CNTN1: variants seen among roughly 807,000 people sequenced by gnomAD.
CNTN1 encodes contactin-1.
A neutral mutation model predicts 126.4 loss-of-function variants in CNTN1; 38 were observed. The observed-to-expected ratio is 0.30, with a 90% CI of 0.23 to 0.39. CNTN1 has a LOEUF of 0.39. CNTN1 is among the 10% of genes least tolerant of loss of function. The pLI, the probability that CNTN1 is intolerant of heterozygous loss-of-function variation, is 1.00. For missense variants in CNTN1, 1,009 were observed against 1,248.4 expected (o/e 0.81, Z 2.89); for synonymous variants, 413 against 422.6 (o/e 0.98, Z 0.28).
rs11342460 is a variant in CNTN1, at chr12:40,808,383, CA to C, written c.-76-99973del. ...ATTTTGGTCATATAAATATTTCCACCATGGTTGATTCCAAGCTACCAACATG... is the reference window on the plus strand; with the variant it reads ...ATTTTGGTCATATAAATATTTCCACCTGGTTGATTCCAAGCTACCAACATG... On this transcript the variant is annotated intron_variant, in intron 1 of 23. Transcript: ENST00000551295. Among the ~76,000 whole-genome samples the C allele has an allele frequency of 9.4e-3, 1,430 of 152,122 alleles. 22 individuals are homozygous for C. The highest frequency in any genetic ancestry group is 0.033 in the African/African-American group (1,354 of 41,472).
chr12:40,748,810 TG>T (rs1327463947), intron 1 of CNTN1, among the ~76,000 whole-genome samples: 2 of 152,058 alleles, frequency 1.3e-5, no homozygotes, highest in African/African-American at 4.8e-5. Flanking sequence ...CTTAAAAAAA[TG>T]GGATAAAGTC....
intron 1 of CNTN1, among the ~76,000 whole-genome samples, chr12:40,874,316 C>T (rs1209018628): frequency 6.6e-6 from 1 of 151,872 alleles, no homozygotes; most frequent in East Asian, 1.9e-4. Context: ...TTAGGAAATA[C>T]TTCAGATATA....
chr12:40,911,355 C>CA (rs1214573391), intron 3 of CNTN1, among the ~76,000 whole-genome samples: 1 of 152,184 alleles, frequency 6.6e-6, no homozygotes, highest in African/African-American at 2.4e-5. Context: ...GCTAGGATTA[C>CA]AGGCGTGAGC....
chr12:40,995,020 G>A (rs1003080637), intron 17 of CNTN1, among the ~76,000 whole-genome samples: 1 of 151,980 alleles, frequency 6.6e-6, no homozygotes, highest in Non-Finnish European at 1.5e-5. Context: ...ATGAACATGA[G>A]CATAGGACTA....
chr12:40,938,942 T>C (rs1216086691), intron 11 of CNTN1, among the ~76,000 whole-genome samples: 1 of 151,984 alleles, frequency 6.6e-6, no homozygotes, highest in Non-Finnish European at 1.5e-5. Flanking sequence ...CCCAGCTAAT[T>C]TTTTTGTATT....
At chr12:40,698,892 T>C (rs1385450859) in intron 1 of CNTN1, among the ~76,000 whole-genome samples, 2 of 152,176 alleles carry the variant, frequency 1.3e-5, no homozygotes, top group Non-Finnish European at 2.9e-5. Context: ...ACGGTTTGCC[T>C]TCTCCTAATG....
intron 16 of CNTN1, among the ~76,000 whole-genome samples, chr12:40,987,184 T>C (rs1029040212): frequency 1.3e-5 from 2 of 152,202 alleles, no homozygotes; most frequent in East Asian, 3.9e-4. Context: ...TTATTTATAA[T>C]GTGACCACTA....
chr12:40,817,878 C>T (rs1159171351), intron 1 of CNTN1, among the ~76,000 whole-genome samples: 1 of 152,128 alleles, frequency 6.6e-6, no homozygotes, highest in Non-Finnish European at 1.5e-5. Flanking sequence ...CAAAATCCCT[C>T]AGCATTTGCT....
chr12:40,933,988 G>T (rs775773001), intron 9 of CNTN1, 110 bp downstream of exon 9: 74 of 807,202 alleles, frequency 9.2e-5, no homozygotes, highest in Admixed American at 2.0e-4. Flanking sequence ...AAACAGTGAT[G>T]CATGTTACAT....
At chr12:40,698,268 C>T (rs1160101334) in intron 1 of CNTN1, among the ~76,000 whole-genome samples, 1 of 123,694 alleles carries the variant, frequency 8.1e-6, no homozygotes, top group Non-Finnish European at 1.6e-5. Context: ...CGGAGTCTCG[C>T]TCTGTCGCCC....
intron 1 of CNTN1, among the ~76,000 whole-genome samples, chr12:40,758,445 C>CA (rs1235197307): frequency 1.3e-5 from 2 of 151,876 alleles, no homozygotes; most frequent in African/African-American, 2.4e-5. Flanking sequence ...ATTACTGAGA[C>CA]AATAATTGCA....
At chr12:40,707,330 G>C (rs539324018) in intron 1 of CNTN1, among the ~76,000 whole-genome samples, 22 of 141,094 alleles carry the variant, frequency 1.6e-4, no homozygotes, top group African/African-American at 5.7e-4. Flanking sequence ...CTCACTACAA[G>C]CTCCGCCTCC....
intron 1 of CNTN1, among the ~76,000 whole-genome samples, chr12:40,892,282 G>C (rs1189391245): frequency 6.6e-6 from 1 of 152,030 alleles, no homozygotes; most frequent in East Asian, 1.9e-4. Flanking sequence ...GCTTCTCTCA[G>C]GGTCTAAAAT....
At chr12:40,799,538 C>T (rs568843317) in intron 1 of CNTN1, among the ~76,000 whole-genome samples, 1 of 151,858 alleles carries the variant, frequency 6.6e-6, no homozygotes, top group South Asian at 2.1e-4. Flanking sequence ...CTACACTTGG[C>T]TCTCCTTGTG....
chr12:40,759,013 C>T (rs750609454), intron 1 of CNTN1, among the ~76,000 whole-genome samples: 23 of 152,244 alleles, frequency 1.5e-4, no homozygotes, highest in Non-Finnish European at 1.6e-4. Context: ...AAGCTATTCT[C>T]CTGCCTCGGC....
chr12:40,712,504 A>G (rs1385744230), intron 1 of CNTN1, among the ~76,000 whole-genome samples: 1 of 152,106 alleles, frequency 6.6e-6, no homozygotes, highest in Non-Finnish European at 1.5e-5. Context: ...TGAGAAGCAC[A>G]TATGCTAGGA....
chr12:40,929,151 A>G (rs568191496), intron 6 of CNTN1, among the ~76,000 whole-genome samples: 28 of 152,070 alleles, frequency 1.8e-4, no homozygotes, highest in Non-Finnish European at 2.8e-4. Context: ...GAGGAAATTC[A>G]GTTTTCCATT....
At chr12:40,999,847 C>T (rs570413658) in intron 17 of CNTN1, among the ~76,000 whole-genome samples, 15 of 151,872 alleles carry the variant, frequency 9.9e-5, no homozygotes, top group African/African-American at 2.2e-4. Flanking sequence ...GGACTACAGG[C>T]GCTCACCACC....
chr12:40,977,567 C>G (rs938115300), intron 15 of CNTN1, among the ~76,000 whole-genome samples: 1 of 136,602 alleles, frequency 7.3e-6, no homozygotes, highest in African/African-American at 2.5e-5. Flanking sequence ...TAAATGAATA[C>G]TCTGTAAACA....
Sources: allele counts gnomAD v4.1 joint callset (sites outside exome capture counted in the v4.1 genomes callset), GRCh38; gene constraint gnomAD v4.1.1; transcripts MANE v1.5; gene names NCBI Gene and HGNC (gene_info 2026-07-23, HGNC 2026-07-21).